Variants in ADGRV1 observed in about 807,000 individuals in gnomAD.
The protein encoded by ADGRV1 is G-protein coupled receptor 98.
ADGRV1 carries 359 observed loss-of-function variants against 596.2 expected under a neutral mutation model. The observed-to-expected ratio is 0.60, with a 90% CI of 0.55 to 0.66. The LOEUF is 0.66. Among genes scored for constraint, ADGRV1 ranks in the 30% least tolerant of loss-of-function variants. ADGRV1 has a pLI of 0.00. For synonymous variants in ADGRV1, 2,681 were observed against 2,679.2 expected, an observed-to-expected ratio of 1.00 and a Z score of -0.02; for missense variants, 7,274 against 7,575.6, an observed-to-expected ratio of 0.96 and a Z score of 1.48.
At chr5:90,880,061 A>G (rs1268987558) in intron 83 of ADGRV1, among the ~76,000 whole-genome samples, 1 of 152,046 alleles carries the variant, frequency 6.6e-6, no homozygotes, top group Non-Finnish European at 1.5e-5. Context: ...ATTATTAATA[A>G]TATTCTTCTT....
At chr5:91,113,020 C>T (rs959263412) in intron 87 of ADGRV1, among the ~76,000 whole-genome samples, 2 of 152,126 alleles carry the variant, frequency 1.3e-5, no homozygotes, top group Non-Finnish European at 2.9e-5. Context: ...TAAACCTAGT[C>T]TTTGACTCTT....
At chr5:91,050,023 C>T (rs1214728989) in intron 85 of ADGRV1, among the ~76,000 whole-genome samples, 1 of 152,202 alleles carries the variant, frequency 6.6e-6, no homozygotes, top group East Asian at 1.9e-4. Context: ...GGGAGAATTC[C>T]AGATGTCCTC....
chr5:90,994,035 A>G (rs1388594504), intron 85 of ADGRV1, among the ~76,000 whole-genome samples: 1 of 137,870 alleles, frequency 7.3e-6, no homozygotes, highest in Non-Finnish European at 1.6e-5. Flanking sequence ...TGAAATCTTC[A>G]TTTTGGGTAT....
chr5:90,625,349 G>C, intron 6 of ADGRV1, 106 bp downstream of exon 6: 1 of 635,510 alleles, frequency 1.6e-6, no homozygotes, highest in South Asian at 2.2e-5. Context: ...GCTATAAATA[G>C]CTGACTGTTC....
chr5:90,582,429 C>T (rs997042992), intron 1 of ADGRV1, among the ~76,000 whole-genome samples: 2 of 152,090 alleles, frequency 1.3e-5, no homozygotes, highest in African/African-American at 4.8e-5. Context: ...AGATTGTACC[C>T]TTTATCATTC....
chr5:90,795,149 A>G (rs1360987240), intron 70 of ADGRV1, among the ~76,000 whole-genome samples: 2 of 149,016 alleles, frequency 1.3e-5, no homozygotes, highest in Non-Finnish European at 3.0e-5. Flanking sequence ...GCGAGACAGA[A>G]CCGTTCACTC....
intron 86 of ADGRV1, among the ~76,000 whole-genome samples, chr5:91,085,060 C>A (rs1698568600): frequency 6.6e-6 from 1 of 152,098 alleles, no homozygotes; most frequent in African/African-American, 2.4e-5. Flanking sequence ...TGGGGAACAT[C>A]ACACACCGGG....
At chr5:90,868,046 A>G (rs1297298051) in intron 83 of ADGRV1, among the ~76,000 whole-genome samples, 1 of 152,116 alleles carries the variant, frequency 6.6e-6, no homozygotes, top group Non-Finnish European at 1.5e-5. Context: ...AGTAGCAAGG[A>G]AAGTGTTTCC....
chr5:91,034,931 A>G (rs1219699279), intron 85 of ADGRV1, among the ~76,000 whole-genome samples: 1 of 152,074 alleles, frequency 6.6e-6, no homozygotes, highest in Non-Finnish European at 1.5e-5. Context: ...GACTACAGGC[A>G]TGCTAATTTT....
chr5:91,158,451 G>A (rs1359848227), intron 89 of ADGRV1, among the ~76,000 whole-genome samples: 2 of 152,184 alleles, frequency 1.3e-5, no homozygotes, highest in Non-Finnish European at 2.9e-5. Flanking sequence ...ATTTTTACTT[G>A]TGGGACTTCA....
chr5:91,041,581 C>T (rs1450792453), intron 85 of ADGRV1, among the ~76,000 whole-genome samples: 1 of 151,202 alleles, frequency 6.6e-6, no homozygotes, highest in African/African-American at 2.4e-5. Context: ...CACATGTATA[C>T]CTATGTAACA....
intron 1 of ADGRV1, among the ~76,000 whole-genome samples, chr5:90,600,844 T>A (rs933766666): frequency 3.9e-5 from 6 of 152,104 alleles, no homozygotes; most frequent in Admixed American, 3.3e-4. Flanking sequence ...AACAGCACAT[T>A]GTGAACAAAA....
intron 77 of ADGRV1, among the ~76,000 whole-genome samples, chr5:90,833,168 C>A (rs563609501): frequency 6.6e-6 from 1 of 152,122 alleles, no homozygotes; most frequent in Non-Finnish European, 1.5e-5. Context: ...TGTGTTGAAT[C>A]TGTAGATTGC....
chr5:90,827,384 G>T (rs1333063773), intron 76 of ADGRV1, among the ~76,000 whole-genome samples: 1 of 152,114 alleles, frequency 6.6e-6, no homozygotes, highest in East Asian at 1.9e-4. Flanking sequence ...TATGTTACTA[G>T]TCTAATGATA....
In ADGRV1 at chr5:90,558,907, C is replaced by G; in HGVS notation, c.12C>G (p.Phe4Leu). Reference sequence around the variant, plus strand: ...CCGGGAGCGCGCGGATGTCGGTGTTCCTGGGGCCAGGTAGGCTATGGCTGA... The same window carrying G: ...CCGGGAGCGCGCGGATGTCGGTGTTGCTGGGGCCAGGTAGGCTATGGCTGA... MSVFLGPGMPSASL... is the reference protein window; with the variant it reads MSVLLGPGMPSASL... Residue 4 changes from phenylalanine (F) to leucine (L), a missense_variant, in exon 1 of 90, where the codon TTC (phenylalanine) becomes TTG (leucine). Coordinates refer to ENST00000405460, the MANE Select transcript of ADGRV1 (RefSeq NM_032119.4). The G allele has an allele frequency of 6.4e-7, 1 of 1,559,506 alleles. No individual in the cohort carries two copies. Among genetic ancestry groups the G allele is most frequent in the Middle Eastern group, 1.7e-4 (1 of 5,852 alleles).
chr5:90,928,854 A>G (rs1388170177), intron 83 of ADGRV1, among the ~76,000 whole-genome samples: 1 of 149,456 alleles, frequency 6.7e-6, no homozygotes, highest in African/African-American at 2.5e-5. Flanking sequence ...TCTAACAGAC[A>G]GGACCCTCAG....
chr5:91,060,032 A>T (rs1177862247), intron 85 of ADGRV1, among the ~76,000 whole-genome samples: 1 of 152,180 alleles, frequency 6.6e-6, no homozygotes, highest in Admixed American at 6.5e-5. Flanking sequence ...TCAATTAAAA[A>T]ATTAGGATAC....
intron 85 of ADGRV1, among the ~76,000 whole-genome samples, chr5:91,053,943 A>G (rs1786578460): frequency 1.3e-5 from 2 of 152,212 alleles, no homozygotes; most frequent in Admixed American, 1.3e-4. Flanking sequence ...AATGAATAGC[A>G]GTCATGTAGA....
chr5:90,809,200 C>T (rs1204492573), intron 73 of ADGRV1, among the ~76,000 whole-genome samples: 4 of 151,316 alleles, frequency 2.6e-5, no homozygotes, highest in African/African-American at 2.4e-5. Flanking sequence ...TCGTGATCCG[C>T]CCACCTCGGC....
Sources: gnomAD v4.1 joint callset for allele counts (sites outside exome capture counted in the v4.1 genomes callset) on GRCh38, gnomAD v4.1.1 for gene constraint, MANE v1.5 for transcripts, NCBI Gene and HGNC (gene_info 2026-07-23, HGNC 2026-07-21) for gene names.